The following AGBL4 variants were observed in gnomAD, a reference collection of about 807,000 sequenced individuals.
AGBL4 encodes AGBL carboxypeptidase 4.
AGBL4 carries 58 observed loss-of-function variants against 66.4 expected under a neutral mutation model. The observed-to-expected ratio is 0.87, with a 90% CI of 0.71 to 1.09. AGBL4 has a LOEUF of 1.09. Ranked by LOEUF, AGBL4 falls within the 50% of genes least tolerant of loss-of-function variation. AGBL4 has a pLI of 0.00. For missense variants in AGBL4, 579 were observed against 631.0 expected (o/e 0.92, Z 0.88); for synonymous variants, 234 against 222.9 (o/e 1.05, Z -0.44).
At chr1:49,756,015 T>C (rs1423531438) in intron 2 of AGBL4, among the ~76,000 whole-genome samples, 7 of 152,200 alleles carry the variant, frequency 4.6e-5, no homozygotes, top group South Asian at 2.1e-4. Flanking sequence ...ACGCCAAAAT[T>C]TACTTACGTC....
intron 6 of AGBL4, among the ~76,000 whole-genome samples, chr1:48,688,694 T>C (rs549819493): frequency 6.6e-6 from 1 of 152,206 alleles, no homozygotes; most frequent in South Asian, 2.1e-4. Flanking sequence ...TTCCTGAGAT[T>C]AAGGAAGGCC....
chr1:48,689,108 C>A (rs1033763283), intron 6 of AGBL4, among the ~76,000 whole-genome samples: 1 of 150,840 alleles, frequency 6.6e-6, no homozygotes, highest in Admixed American at 6.6e-5. Flanking sequence ...GCAATCCCAG[C>A]CACTCAGGAG....
chr1:49,391,125 T>C (rs2148591906), intron 3 of AGBL4, among the ~76,000 whole-genome samples: 1 of 152,298 alleles, frequency 6.6e-6, no homozygotes, highest in South Asian at 2.1e-4. Flanking sequence ...CCTAGCACTC[T>C]GTGGGAACTG....
chr1:48,804,683 G>A (rs753125396), intron 6 of AGBL4, among the ~76,000 whole-genome samples: 12 of 152,150 alleles, frequency 7.9e-5, no homozygotes, highest in African/African-American at 1.2e-4. Flanking sequence ...GAGGGGTAGG[G>A]GCTCTAGGGG....
intron 3 of AGBL4, among the ~76,000 whole-genome samples, chr1:49,690,952 T>C (rs897166269): frequency 2.0e-5 from 3 of 152,188 alleles, no homozygotes; most frequent in Non-Finnish European, 4.4e-5. Flanking sequence ...AGGCAGTAAG[T>C]GGAAGAGCTA....
At chr1:49,689,347 A>G (rs1646843711) in intron 3 of AGBL4, among the ~76,000 whole-genome samples, 1 of 152,098 alleles carries the variant, frequency 6.6e-6, no homozygotes, top group Non-Finnish European at 1.5e-5. Context: ...CCCAATGTAT[A>G]TTCTTGGCAC....
At chr1:49,133,414 G>T (rs1008369376) in intron 4 of AGBL4, among the ~76,000 whole-genome samples, 2 of 151,938 alleles carry the variant, frequency 1.3e-5, no homozygotes, top group East Asian at 3.9e-4. Context: ...AAATTCTTAA[G>T]AAAAATAAAC....
intron 3 of AGBL4, among the ~76,000 whole-genome samples, chr1:49,415,887 C>A (rs1391060162): frequency 6.6e-6 from 1 of 152,032 alleles, no homozygotes; most frequent in Middle Eastern, 3.2e-3. Flanking sequence ...AATGCCAAAA[C>A]CTGTGTCTTC....
intron 3 of AGBL4, among the ~76,000 whole-genome samples, chr1:49,686,166 A>C (rs1202952098): frequency 2.0e-5 from 3 of 152,260 alleles, no homozygotes; most frequent in East Asian, 1.9e-4. Context: ...TACTATCCCC[A>C]GTGGTTGTTA....
intron 2 of AGBL4, among the ~76,000 whole-genome samples, chr1:49,849,713 A>G (rs1646258204): frequency 6.6e-6 from 1 of 151,994 alleles, no homozygotes. Context: ...TGCATTATTT[A>G]TTTGGTGATT....
chr1:48,985,684 G>A (rs1660130070), intron 5 of AGBL4, among the ~76,000 whole-genome samples: 1 of 151,986 alleles, frequency 6.6e-6, no homozygotes, highest in African/African-American at 2.4e-5. Flanking sequence ...CCAGAATGAA[G>A]TTTAAAAACA....
At chr1:49,880,231 G>A (rs1260680855) in intron 1 of AGBL4, among the ~76,000 whole-genome samples, 2 of 151,818 alleles carry the variant, frequency 1.3e-5, no homozygotes, top group Non-Finnish European at 2.9e-5. Context: ...GAGGAGGAGA[G>A]GCGCTCTGCG....
intron 1 of AGBL4, among the ~76,000 whole-genome samples, chr1:50,019,301 C>CTA (rs1662252231): frequency 8.2e-6 from 1 of 121,738 alleles, no homozygotes; most frequent in African/African-American, 3.0e-5. Flanking sequence ...CTCTCTCTCT[C>CTA]TCTCTCACAC....
chr1:49,465,471 T>A (rs995370163), intron 3 of AGBL4, among the ~76,000 whole-genome samples: 1 of 151,824 alleles, frequency 6.6e-6, no homozygotes, highest in African/African-American at 2.4e-5. Context: ...TAAAGTGATA[T>A]AGAATCTGTC....
chr1:49,503,968 T>A (rs1484025896), intron 3 of AGBL4, among the ~76,000 whole-genome samples: 1 of 152,056 alleles, frequency 6.6e-6, no homozygotes, highest in African/African-American at 2.4e-5. Flanking sequence ...GACATGAGAT[T>A]TGGGAAGGGC....
At chr1:49,780,557 G>A (rs1251538026) in intron 2 of AGBL4, among the ~76,000 whole-genome samples, 1 of 151,932 alleles carries the variant, frequency 6.6e-6, no homozygotes, top group South Asian at 2.1e-4. Flanking sequence ...GGTTTGTAAT[G>A]CCTGTGAGAT....
At chr1:49,645,012 G>C (rs1645857217) in intron 3 of AGBL4, among the ~76,000 whole-genome samples, 1 of 151,462 alleles carries the variant, frequency 6.6e-6, no homozygotes, top group African/African-American at 2.4e-5. Flanking sequence ...TTAGGTATTT[G>C]TACATATACT....
chr1:48,953,833 T>C (rs933933512), intron 5 of AGBL4, among the ~76,000 whole-genome samples: 2 of 152,188 alleles, frequency 1.3e-5, no homozygotes, highest in African/African-American at 2.4e-5. Context: ...TAACTGGGAC[T>C]TGGCTCAGAG....
chr1:48,726,424 T>C (rs1427626811), intron 6 of AGBL4, among the ~76,000 whole-genome samples: 1 of 152,220 alleles, frequency 6.6e-6, no homozygotes, highest in Non-Finnish European at 1.5e-5. Context: ...GAACATATCT[T>C]ATCAAATATT....
Sources: allele counts gnomAD v4.1 joint callset (sites outside exome capture counted in the v4.1 genomes callset), GRCh38; gene constraint gnomAD v4.1.1; transcripts MANE v1.5; gene names NCBI Gene and HGNC (gene_info 2026-07-23, HGNC 2026-07-21).